The following ATP8B4 variants were observed in gnomAD, a reference collection of about 807,000 sequenced individuals.
ATP8B4 encodes probable phospholipid-transporting ATPase IM.
In ATP8B4, 133 loss-of-function variants were observed where a neutral mutation model predicts 145.6. That is an observed-to-expected ratio of 0.91 (90% CI 0.79 to 1.05). ATP8B4 has a LOEUF of 1.05. ATP8B4 is among the 50% of genes least tolerant of loss of function. The pLI is 0.00. For missense variants in ATP8B4, 1,458 were observed against 1,425.2 expected, an observed-to-expected ratio of 1.02 and a Z score of -0.37; for synonymous variants, 507 against 492.9, an observed-to-expected ratio of 1.03 and a Z score of -0.38.
chr15:50,141,191 A>G (rs892483289), intron 1 of ATP8B4, among the ~76,000 whole-genome samples: 1 of 151,810 alleles, frequency 6.6e-6, no homozygotes, highest in African/African-American at 2.4e-5. Context: ...AAGAGCGGCG[A>G]CCTCCTTTTC....
intron 3 of ATP8B4, among the ~76,000 whole-genome samples, chr15:50,072,180 T>C (rs1006542734): frequency 6.6e-6 from 1 of 151,798 alleles, no homozygotes; most frequent in Non-Finnish European, 1.5e-5. Context: ...CTCCTCTAGT[T>C]GGTACCTAAT....
At chr15:50,027,394 G>GATGGATGGATGT (rs1364174592) in intron 6 of ATP8B4, among the ~76,000 whole-genome samples, 1 of 152,004 alleles carries the variant, frequency 6.6e-6, no homozygotes. Flanking sequence ...TGGATGGATG[G>GATGGATGGATGT]ATGGATGGAT....
Position 49,859,997 on chromosome 15 carries a change from C to T in ATP8B4, c.*197G>A. 1 of 574,934 alleles carries T rather than the reference C, an allele frequency of 1.7e-6. No individual in the cohort carries two copies. Among genetic ancestry groups the T allele is most frequent in the Non-Finnish European group, 2.9e-6 (1 of 348,258 alleles). 35.6% of individuals were successfully genotyped at this position (574,934 alleles called of 1,614,324 possible). A position where few individuals can be genotyped will look rare whatever the true frequency, so the allele number is the denominator to read the frequency against. On this transcript the variant is annotated 3_prime_UTR_variant, in exon 28 of 28. Transcript: ENST00000284509. ...TTTGTCCACCAAATCACAAACCAGACAGTGACCCTCTGGCCTGGTTTTCCA... is the reference window on the plus strand; with the variant it reads ...TTTGTCCACCAAATCACAAACCAGATAGTGACCCTCTGGCCTGGTTTTCCA...
Position 49,923,415 on chromosome 15 carries a change from A to T in ATP8B4, c.1722T>A (p.Asn574Lys), listed in dbSNP as rs2040434010. The part of the protein sequence containing the change: ...TILFEKLHPS[N>K]EVLLSLTSDH... ...CTGACGTCAAAGACAAAAGGACTTC[A>T]TTGGAAGGATGAAGTTTTTCAAACA... is the stretch of plus-strand genomic sequence containing the variant. Residue 574 changes from asparagine (N) to lysine (K), a missense_variant, in exon 17 of 28, where the codon AAT (asparagine) becomes AAA (lysine). Coordinates refer to ENST00000284509, the MANE Select transcript of ATP8B4 (RefSeq NM_024837.4). 6.2e-7 allele frequency: 1 copy of T among 1,613,518 alleles called. No homozygotes were observed.
chr15:50,173,863 T>C (rs879521465), intron 1 of ATP8B4, among the ~76,000 whole-genome samples: 7 of 152,076 alleles, frequency 4.6e-5, no homozygotes, highest in African/African-American at 7.2e-5. Context: ...TAGGCCGATA[T>C]CCTGGATGAA....
chr15:50,021,385 T>A (rs2049557684), intron 6 of ATP8B4, among the ~76,000 whole-genome samples: 1 of 152,202 alleles, frequency 6.6e-6, no homozygotes, highest in African/African-American at 2.4e-5. Context: ...ACATTTAACA[T>A]AAAATTGGAA....
At position 49,920,338 on chromosome 15, in the gene ATP8B4, A is replaced by G. The variant is rs1302937129; in HGVS notation, c.1831T>C (p.Trp611Arg). The G allele has an allele frequency of 3.1e-6, 5 of 1,614,050 alleles. No homozygotes were observed. The highest frequency in any genetic ancestry group is 4.2e-6 in the Non-Finnish European group (5 of 1,180,014). Residue 611 changes from tryptophan (W) to arginine (R), a missense_variant, in exon 18 of 28, where the codon TGG (tryptophan) becomes CGG (arginine). By Grantham distance (101) the Trp-to-Arg change is moderately radical. Transcript: ENST00000284509. ...RDLDDKYFKE[W>R]HKMLEDANAA... Reference sequence around the variant, plus strand: ...TTCGCATCTTCAAGCATCTTATGCCACTCTTTAAAGTACTTGTCATCCAGG... The same window carrying G: ...TTCGCATCTTCAAGCATCTTATGCCGCTCTTTAAAGTACTTGTCATCCAGG...
At chr15:49,901,018 T>A in intron 21 of ATP8B4, 74 bp downstream of exon 21, 1 of 1,513,246 alleles carries the variant, frequency 6.6e-7, no homozygotes, top group Middle Eastern at 1.8e-4. Context: ...AAAGGAGGTC[T>A]CATTATGATA....
chr15:50,053,289 G>C (rs562604967), intron 3 of ATP8B4, among the ~76,000 whole-genome samples: 3 of 152,190 alleles, frequency 2.0e-5, no homozygotes, highest in Non-Finnish European at 2.9e-5. Flanking sequence ...CAGCTTGTAA[G>C]TGGTGATTGT....
At chr15:50,056,269 A>C (rs1173071042) in intron 3 of ATP8B4, among the ~76,000 whole-genome samples, 2 of 152,158 alleles carry the variant, frequency 1.3e-5, no homozygotes, top group Non-Finnish European at 2.9e-5. Context: ...TCAGGCAATA[A>C]TGTTATTGAG....
rs542132303 is a variant in ATP8B4 at position 50,147,273 on chromosome 15, G to A, written c.-43+34988C>T. ...TCTACTACAATTACAAGAATTAGTC[G>A]GGTGTGGTGCTGCATGCCTGTAATC... On this transcript the variant is annotated intron_variant, in intron 1 of 3. Coordinates refer to the ATP8B4 transcript ENST00000558829. Among the ~76,000 whole-genome samples, 8 of 151,998 alleles carry A rather than the reference G, an allele frequency of 5.3e-5. No individual in the cohort carries two copies. The East Asian group carries it at 7.7e-4, about 15-fold the overall frequency.
intron 20 of ATP8B4, among the ~76,000 whole-genome samples, chr15:49,905,745 A>AT (rs1183340489): frequency 2.0e-5 from 3 of 152,008 alleles, no homozygotes; most frequent in South Asian, 2.1e-4. Context: ...AAAAAAGATA[A>AT]TTTTTTTAGC....
intron 18 of ATP8B4, among the ~76,000 whole-genome samples, chr15:49,919,898 C>T (rs1286979870): frequency 6.6e-6 from 1 of 152,114 alleles, no homozygotes; most frequent in Non-Finnish European, 1.5e-5. Flanking sequence ...CCATTCTTCA[C>T]AGCAAATTTC....
intron 1 of ATP8B4, among the ~76,000 whole-genome samples, chr15:50,124,687 T>G (rs997977133): frequency 6.6e-6 from 1 of 152,312 alleles, no homozygotes; most frequent in Admixed American, 6.5e-5. Flanking sequence ...ATCTGGACTT[T>G]CCCTCAAGGG....
chr15:50,075,034 C>T (rs1379236403), intron 2 of ATP8B4, among the ~76,000 whole-genome samples: 3 of 152,160 alleles, frequency 2.0e-5, no homozygotes, highest in Non-Finnish European at 4.4e-5. Flanking sequence ...AGTGACTTGA[C>T]CCTCTCACCA....
chr15:50,030,267 AAGAGAAAGAACAG>A (rs1380612959), intron 6 of ATP8B4, among the ~76,000 whole-genome samples: 3 of 152,230 alleles, frequency 2.0e-5, no homozygotes, highest in African/African-American at 7.2e-5. Flanking sequence ...TCTTTTAAAA[AAGAGAAAGAACAG>A]AGTTCTAAAT....
intron 1 of ATP8B4, among the ~76,000 whole-genome samples, chr15:50,109,749 T>C (rs979207093): frequency 2.6e-5 from 4 of 152,070 alleles, no homozygotes; most frequent in African/African-American, 9.7e-5. Flanking sequence ...GCTTATCCTT[T>C]CTTTGTCCTT....
intron 2 of ATP8B4, among the ~76,000 whole-genome samples, chr15:50,106,687 A>T (rs2056697087): frequency 6.6e-6 from 1 of 152,212 alleles, no homozygotes; most frequent in East Asian, 1.9e-4. Context: ...AAATCAAAAG[A>T]TGGTCACAGT....
At chr15:50,062,952 A>G (rs2053129612) in intron 3 of ATP8B4, among the ~76,000 whole-genome samples, 2 of 152,126 alleles carry the variant, frequency 1.3e-5, no homozygotes, top group East Asian at 1.9e-4. Context: ...AATATCACAC[A>G]TGGTACTAAG....
Sources: gnomAD v4.1 joint callset for allele counts (sites outside exome capture counted in the v4.1 genomes callset) on GRCh38, gnomAD v4.1.1 for gene constraint, MANE v1.5 for transcripts, NCBI Gene and HGNC (gene_info 2026-07-23, HGNC 2026-07-21) for gene names.